Variants in MACF1 observed in about 807,000 individuals in gnomAD.
The protein encoded by MACF1 is microtubule actin crosslinking factor 1, also known as microtubule-actin cross-linking factor 1.
MACF1 carries 193 observed loss-of-function variants against 854.8 expected under a neutral mutation model. That is an observed-to-expected ratio of 0.23 (90% CI 0.20 to 0.25). The LOEUF (loss-of-function observed/expected upper bound fraction) is 0.25. Among genes scored for constraint, MACF1 ranks in the 10% least tolerant of loss-of-function variants. MACF1 has a pLI of 1.00. For synonymous variants in MACF1, 3,185 were observed against 3,226.7 expected (o/e 0.99, Z 0.44); for missense variants, 7,722 against 8,929.1 (o/e 0.86, Z 5.45).
At chr1:39,153,543 CT>C (rs1204564595) in intron 2 of MACF1, among the ~76,000 whole-genome samples, 2 of 152,188 alleles carry the variant, frequency 1.3e-5, no homozygotes, top group Admixed American at 1.3e-4. Context: ...AGCATGGGCT[CT>C]TTTAAAGCCT....
At chr1:39,103,851 A>G (rs1642154888) in intron 2 of MACF1, 1 of 152,202 alleles carries the variant, frequency 6.6e-6, no homozygotes, top group Non-Finnish European at 1.5e-5. Flanking sequence ...TGCTCACCTG[A>G]TTTCTGATCA....
At chr1:39,462,777 T>G (rs1644581451) in intron 93 of MACF1, among the ~76,000 whole-genome samples, 1 of 152,166 alleles carries the variant, frequency 6.6e-6, no homozygotes, top group Admixed American at 6.5e-5. Flanking sequence ...TGTATACCCA[T>G]CATGCTTTCT....
Position 39,452,366 on chromosome 1 carries a change from T to C in MACF1, c.20613+16T>C, listed in dbSNP as rs1557662478. The stretch of plus-strand genomic sequence containing the variant: ...CTTAAAACAAGTAAGGGATATTTGC[T>C]GTCCCAACCCAAGGGATAGATCTGA... On this transcript the variant is annotated intron_variant, in intron 86 of 100. Transcript: ENST00000564288. The C allele has an allele frequency of 6.2e-7, 1 of 1,608,282 alleles. No individual in the cohort carries two copies. Among genetic ancestry groups the C allele is most frequent in the African/African-American group, 1.3e-5 (1 of 74,738 alleles).
intron 58 of MACF1, chr1:39,411,840 T>G (rs548917843): frequency 6.2e-7 from 1 of 1,613,928 alleles, no homozygotes; most frequent in Non-Finnish European, 8.5e-7. Flanking sequence ...GCCTTTTACA[T>G]GTAAGGGCAA....
intron 11 of MACF1, 98 bp from the exon 12 acceptor site, chr1:39,284,985 G>T: frequency 6.8e-7 from 1 of 1,474,038 alleles, no homozygotes; most frequent in African/African-American, 1.4e-5. Flanking sequence ...CTGCTGAATG[G>T]CTGGGTAAAG....
At chr1:39,294,200 A>G (rs1296363098) in intron 18 of MACF1, among the ~76,000 whole-genome samples, 1 of 152,196 alleles carries the variant, frequency 6.6e-6, no homozygotes, top group East Asian at 1.9e-4. Context: ...TTTTGTTTCA[A>G]TCTCTTCGTT....
chr1:39,237,215 C>T (rs1006473827), intron 2 of MACF1, among the ~76,000 whole-genome samples: 1 of 152,206 alleles, frequency 6.6e-6, no homozygotes, highest in African/African-American at 2.4e-5. Flanking sequence ...TCTGCCTGAC[C>T]ATCACCCACT....
intron 40 of MACF1, among the ~76,000 whole-genome samples, chr1:39,342,535 A>AG: frequency 1.5e-5 from 2 of 135,666 alleles, no homozygotes; most frequent in Non-Finnish European, 3.3e-5. Flanking sequence ...GGGTTGGCAA[A>AG]CTTTTTTTTT....
Position 39,292,779 on chromosome 1 carries a change from A to G in MACF1, c.1928A>G (p.Gln643Arg). The change falls in exon 17 of 101, where the codon CAG (glutamine) becomes CGG (arginine). Residue 643 changes from glutamine (Q) to arginine (R), a missense_variant. Physicochemically the swap from Gln to Arg is conservative, Grantham distance 43. This residue lies in a region of MACF1 where 1,137 missense variants were observed against 1,263.0 expected (regional missense o/e 0.90). Transcript: ENST00000564288. The stretch of plus-strand genomic sequence containing the variant: ...TTTTTTAATCAGGGAAAGATGTCCC[A>G]GAATTTCCATACCAGCTATGCTGAA... ...EARLYEGKMSQNFHTSYAETL... is the reference protein window; with the variant it reads ...EARLYEGKMSRNFHTSYAETL... 6.2e-7 allele frequency: 1 copy of G among 1,611,184 alleles called. No individual in the cohort carries two copies. The highest frequency in any genetic ancestry group is 8.5e-7 in the Non-Finnish European group (1 of 1,178,580).
At chr1:39,319,789 G>C in intron 31 of MACF1, 42 bp downstream of exon 31, 1 of 1,420,624 alleles carries the variant, frequency 7.0e-7, no homozygotes, top group Non-Finnish European at 9.9e-7. Flanking sequence ...ATCATCACCA[G>C]CTCAGGAAAA....
intron 2 of MACF1, among the ~76,000 whole-genome samples, chr1:39,247,599 A>G (rs1168721168): frequency 6.6e-6 from 1 of 152,208 alleles, no homozygotes; most frequent in African/African-American, 2.4e-5. Flanking sequence ...ATATTATATT[A>G]GTAGCTTGAA....
At chr1:39,157,536 G>T (rs549353219) in intron 2 of MACF1, among the ~76,000 whole-genome samples, 16 of 152,310 alleles carry the variant, frequency 1.1e-4, no homozygotes, top group African/African-American at 3.8e-4. Flanking sequence ...ATGAGGGATT[G>T]TTCCAGGGAT....
intron 88 of MACF1, among the ~76,000 whole-genome samples, chr1:39,454,222 A>C (rs1644392197): frequency 6.6e-6 from 1 of 152,220 alleles, no homozygotes; most frequent in African/African-American, 2.4e-5. Flanking sequence ...TGGGGTCCAC[A>C]TTCACAGCCA....
intron 58 of MACF1, chr1:39,410,209 G>T: frequency 7.6e-7 from 1 of 1,313,392 alleles, no homozygotes; most frequent in Non-Finnish European, 1.1e-6. Context: ...ATGCATTTGG[G>T]GGGAACCTGT....
intron 21 of MACF1, 87 bp downstream of exon 21, chr1:39,297,832 A>C (rs1645955839): frequency 1.4e-6 from 2 of 1,481,026 alleles, no homozygotes; most frequent in South Asian, 1.3e-5. Context: ...TGAAAGCTCC[A>C]GGGCAATGGG....
intron 97 of MACF1, 123 bp downstream of exon 97, chr1:39,469,738 C>T: frequency 1.4e-6 from 1 of 734,384 alleles, no homozygotes; most frequent in South Asian, 1.7e-5. Context: ...TTGAAATGGC[C>T]AAACCATAGC....
intron 93 of MACF1, among the ~76,000 whole-genome samples, chr1:39,462,315 A>G (rs1329003038): frequency 6.6e-6 from 1 of 152,140 alleles, no homozygotes; most frequent in African/African-American, 2.4e-5. Context: ...CAGCATACTC[A>G]TCCTGGTTCA....
intron 2 of MACF1, among the ~76,000 whole-genome samples, chr1:39,096,543 T>C (rs1180702468): frequency 6.7e-6 from 1 of 150,076 alleles, no homozygotes; most frequent in South Asian, 2.1e-4. Flanking sequence ...GAGTCGAGAC[T>C]GCGCCACTGC....
At chr1:39,313,709 A>G (rs1646349272) in intron 26 of MACF1, among the ~76,000 whole-genome samples, 1 of 152,110 alleles carries the variant, frequency 6.6e-6, no homozygotes, top group Non-Finnish European at 1.5e-5. Flanking sequence ...AAGTTAGCCA[A>G]TGGAAGCCCC....
Sources: gnomAD v4.1 joint callset for allele counts (sites outside exome capture counted in the v4.1 genomes callset) on GRCh38, gnomAD v4.1.1 for gene constraint, gnomAD v4.1.1 regional missense constraint, MANE v1.5 for transcripts, NCBI Gene and HGNC (gene_info 2026-07-23, HGNC 2026-07-21) for gene names.